CDH18: variants seen among roughly 807,000 people sequenced by gnomAD.
The protein encoded by CDH18 is cadherin 18, also known as cadherin-18.
Under a neutral mutation model 67.9 loss-of-function variants are expected in CDH18, and 31 were observed. That is an observed-to-expected ratio of 0.46 (90% CI 0.34 to 0.62). CDH18 has a LOEUF of 0.62. Ranked by LOEUF, CDH18 falls within the 20% of genes least tolerant of loss-of-function variation. The pLI is 0.01. For synonymous variants in CDH18, 362 were observed against 347.2 expected (o/e 1.04, Z -0.48); for missense variants, 890 against 975.5 (o/e 0.91, Z 1.17).
chr5:20,090,260 G>A (rs548824414), intron 2 of CDH18, among the ~76,000 whole-genome samples: 1 of 152,262 alleles, frequency 6.6e-6, no homozygotes, highest in Admixed American at 6.5e-5. Context: ...ATGTGGGCAG[G>A]GCGCACTGGC....
chr5:19,798,646 A>G (rs1777103627), intron 3 of CDH18, among the ~76,000 whole-genome samples: 1 of 152,102 alleles, frequency 6.6e-6, no homozygotes, highest in Non-Finnish European at 1.5e-5. Context: ...CATGCTTTTA[A>G]CAGAATTAAT....
intron 3 of CDH18, among the ~76,000 whole-genome samples, chr5:19,827,569 A>T (rs1437802326): frequency 6.6e-6 from 1 of 152,162 alleles, no homozygotes; most frequent in Non-Finnish European, 1.5e-5. Context: ...TAAAAATAGA[A>T]ATGAATACTA....
At chr5:19,851,031 T>C (rs1783623585) in intron 2 of CDH18, among the ~76,000 whole-genome samples, 1 of 151,860 alleles carries the variant, frequency 6.6e-6, no homozygotes, top group Non-Finnish European at 1.5e-5. Flanking sequence ...GAATTTTTAT[T>C]GGGTATTAAG....
intron 3 of CDH18, among the ~76,000 whole-genome samples, chr5:19,831,824 T>G (rs1480739755): frequency 6.6e-6 from 1 of 152,118 alleles, no homozygotes; most frequent in African/African-American, 2.4e-5. Context: ...TGCAGCACTA[T>G]TCACAGTAGC....
At chr5:20,389,995 G>C (rs1744696616) in intron 1 of CDH18, among the ~76,000 whole-genome samples, 2 of 152,120 alleles carry the variant, frequency 1.3e-5, no homozygotes, top group Admixed American at 1.3e-4. Flanking sequence ...ATTCAAGATG[G>C]ATTAAAGACT....
chr5:20,241,967 GA>G (rs1742964743), intron 2 of CDH18, among the ~76,000 whole-genome samples: 2 of 149,752 alleles, frequency 1.3e-5, no homozygotes, highest in African/African-American at 4.9e-5. Context: ...CTGATTTCTG[GA>G]AAAAATAGGC....
At chr5:19,704,447 C>T (rs1763680366) in intron 5 of CDH18, among the ~76,000 whole-genome samples, 1 of 152,080 alleles carries the variant, frequency 6.6e-6, no homozygotes, top group Admixed American at 6.6e-5. Flanking sequence ...ATGGGGAGCA[C>T]AAGTTCTAAT....
At chr5:20,206,109 T>C (rs897915728) in intron 2 of CDH18, among the ~76,000 whole-genome samples, 1 of 151,682 alleles carries the variant, frequency 6.6e-6, no homozygotes, top group Non-Finnish European at 1.5e-5. Flanking sequence ...AGACAAACTT[T>C]AAAAAGAAGA....
intron 3 of CDH18, among the ~76,000 whole-genome samples, chr5:19,814,508 A>AGGATTCCT (rs57111438): frequency 2.1e-4 from 32 of 151,252 alleles, no homozygotes; most frequent in Middle Eastern, 6.9e-3. Context: ...AATATTTAGC[A>AGGATTCCT]GGGCTCTACA....
chr5:19,791,547 C>T (rs1776362193), intron 3 of CDH18, among the ~76,000 whole-genome samples: 1 of 152,122 alleles, frequency 6.6e-6, no homozygotes, highest in Non-Finnish European at 1.5e-5. Flanking sequence ...GCAGCTTTCT[C>T]ATCACTTGTA....
At chr5:19,817,165 C>T (rs957286615) in intron 3 of CDH18, among the ~76,000 whole-genome samples, 13 of 151,828 alleles carry the variant, frequency 8.6e-5, no homozygotes, top group East Asian at 1.9e-4. Context: ...TTAAAGTACA[C>T]GGGGATATCT....
intron 2 of CDH18, among the ~76,000 whole-genome samples, chr5:19,879,706 A>T (rs1481341932): frequency 6.6e-6 from 1 of 152,026 alleles, no homozygotes; most frequent in Non-Finnish European, 1.5e-5. Flanking sequence ...AGGAAATGGG[A>T]TATGTGTGCA....
At chr5:20,505,140 A>G (rs1311279575) in intron 1 of CDH18, among the ~76,000 whole-genome samples, 2 of 152,142 alleles carry the variant, frequency 1.3e-5, no homozygotes, top group Admixed American at 1.3e-4. Context: ...AATTTCAGAT[A>G]GCCTGCAAAA....
chr5:19,976,787 G>C (rs1218141474), intron 2 of CDH18, among the ~76,000 whole-genome samples: 1 of 118,686 alleles, frequency 8.4e-6, no homozygotes, highest in East Asian at 2.6e-4. Flanking sequence ...AACATGACAG[G>C]ATATAAAGAC....
intron 8 of CDH18, among the ~76,000 whole-genome samples, chr5:19,546,893 C>T (rs1041876131): frequency 7.2e-5 from 11 of 152,084 alleles, no homozygotes; most frequent in Admixed American, 6.6e-4. Flanking sequence ...GACCATTGTA[C>T]ATTAAATTTT....
chr5:20,274,755 A>T (rs946390551), intron 1 of CDH18, among the ~76,000 whole-genome samples: 19 of 152,228 alleles, frequency 1.2e-4, no homozygotes, highest in Non-Finnish European at 2.4e-4. Context: ...GCCATTCTAG[A>T]AAACATTGGC....
chr5:20,410,618 C>T (rs1426248811), intron 1 of CDH18, among the ~76,000 whole-genome samples: 1 of 151,320 alleles, frequency 6.6e-6, no homozygotes, highest in African/African-American at 2.4e-5. Flanking sequence ...ATTCTTGGCA[C>T]ATTTATTTAA....
intron 2 of CDH18, among the ~76,000 whole-genome samples, chr5:19,882,928 T>C (rs1787807552): frequency 6.6e-6 from 1 of 152,142 alleles, no homozygotes; most frequent in Admixed American, 6.5e-5. Flanking sequence ...CTTTATAAAA[T>C]TACTATTATA....
At chr5:20,278,049 T>C (rs775176052) in intron 1 of CDH18, among the ~76,000 whole-genome samples, 4 of 152,078 alleles carry the variant, frequency 2.6e-5, no homozygotes, top group East Asian at 3.9e-4. Context: ...GAAAATCTAA[T>C]AGTTATTGGC....
Sources: allele counts gnomAD v4.1 joint callset (sites outside exome capture counted in the v4.1 genomes callset), GRCh38; gene constraint gnomAD v4.1.1; transcripts MANE v1.5; gene names NCBI Gene and HGNC (gene_info 2026-07-23, HGNC 2026-07-21).